The following TMEM132B variants were observed in gnomAD, a reference collection of about 807,000 sequenced individuals.
TMEM132B encodes transmembrane protein 132B.
Under a neutral mutation model 90.8 loss-of-function variants are expected in TMEM132B, and 18 were observed. The ratio of observed to expected loss-of-function variants is 0.20; its 90% CI spans 0.14 to 0.29. The LOEUF is 0.29. TMEM132B is among the 10% of genes least tolerant of loss of function. The pLI is 1.00. For synonymous variants in TMEM132B, 504 were observed against 523.3 expected, an observed-to-expected ratio of 0.96 and a Z score of 0.50; for missense variants, 1,096 against 1,326.8, an observed-to-expected ratio of 0.83 and a Z score of 2.70.
intron 1 of TMEM132B, among the ~76,000 whole-genome samples, chr12:125,284,236 C>T (rs557785962): frequency 6.6e-6 from 1 of 152,336 alleles, no homozygotes; most frequent in South Asian, 2.1e-4. Flanking sequence ...CTCTCTTCCT[C>T]CTACACCTGT....
intron 4 of TMEM132B, among the ~76,000 whole-genome samples, chr12:125,556,134 T>C (rs1484599139): frequency 1.3e-5 from 2 of 152,260 alleles, no homozygotes; most frequent in Non-Finnish European, 2.9e-5. Context: ...TTGTTGCTCA[T>C]GTCTTACAGT....
At chr12:125,194,833 T>G (rs948454965) in intron 1 of TMEM132B, among the ~76,000 whole-genome samples, 1 of 151,560 alleles carries the variant, frequency 6.6e-6, no homozygotes, top group Non-Finnish European at 1.5e-5. Context: ...AAAATGTTAT[T>G]TTGCTAGAAA....
chr12:125,653,023 A>G (rs1886965242), intron 8 of TMEM132B, among the ~76,000 whole-genome samples: 2 of 152,368 alleles, frequency 1.3e-5, no homozygotes, highest in African/African-American at 4.8e-5. Flanking sequence ...ACTGTTTACA[A>G]TAAGTATGGT....
In TMEM132B at chr12:125,519,456, A is replaced by G. The variant is rs747347319; in HGVS notation, c.1124A>G (p.Tyr375Cys). The stretch of plus-strand genomic sequence containing the variant: ...TTTTCCAGGGTAAATGGATCCTTCT[A>G]TGAGATCTTGCAAGTGGACTTTGGA... Reference protein sequence around the residue: ...DTQSRVNGSFYEILQVDFGID... With the variant: ...DTQSRVNGSFCEILQVDFGID... Residue 375 changes from tyrosine (Y) to cysteine (C), a missense_variant, in exon 4 of 9, where the codon TAT (tyrosine) becomes TGT (cysteine). Transcript: ENST00000682704. 1.9e-6 allele frequency: 3 copies of G among 1,612,170 alleles called. No homozygotes were observed. Among genetic ancestry groups the G allele is most frequent in the African/African-American group, 1.3e-5 (1 of 74,976 alleles).
At position 125,628,100 on chromosome 12, in the gene TMEM132B, G is replaced by A. The variant is rs114898900; in HGVS notation, c.1438-15976G>A. On this transcript the variant is annotated intron_variant, in intron 5 of 8. Coordinates refer to ENST00000682704, the MANE Select transcript of TMEM132B (RefSeq NM_001366854.1). ...AATCTTGGCTATTGTCAACAGTGCT[G>A]CAACAAACGTGGGAGTGCAGATATC... is the stretch of plus-strand genomic sequence containing the variant. 6.3e-3 allele frequency among the ~76,000 whole-genome samples: 963 copies of A among 152,272 alleles called. 10 individuals carry two copies. The highest frequency in any genetic ancestry group is 0.022 in the African/African-American group (908 of 41,554).
chr12:125,507,055 C>G (rs1232985216), intron 3 of TMEM132B, among the ~76,000 whole-genome samples: 3 of 152,206 alleles, frequency 2.0e-5, no homozygotes, highest in Non-Finnish European at 1.5e-5. Flanking sequence ...GAAGGTAATG[C>G]AGAAGCCCAT....
intron 5 of TMEM132B, among the ~76,000 whole-genome samples, chr12:125,632,779 A>T (rs1886396333): frequency 6.6e-6 from 1 of 151,940 alleles, no homozygotes; most frequent in Non-Finnish European, 1.5e-5. Flanking sequence ...TTGAGGCTCC[A>T]TTGTATGTTA....
chr12:125,594,893 G>A (rs1885401907), intron 5 of TMEM132B, among the ~76,000 whole-genome samples: 4 of 152,126 alleles, frequency 2.6e-5, no homozygotes, highest in Admixed American at 2.0e-4. Flanking sequence ...TTTTGATGAG[G>A]TTGAATTTAT....
chr12:125,329,547 A>G (rs1876700611), intron 1 of TMEM132B, among the ~76,000 whole-genome samples: 1 of 152,170 alleles, frequency 6.6e-6, no homozygotes, highest in Non-Finnish European at 1.5e-5. Flanking sequence ...CCTATGAGGC[A>G]CTGACTTGAG....
intron 4 of TMEM132B, among the ~76,000 whole-genome samples, chr12:125,553,996 A>T (rs917390188): frequency 6.6e-6 from 1 of 152,236 alleles, no homozygotes; most frequent in African/African-American, 2.4e-5. Flanking sequence ...GAACATTACA[A>T]ACTCTCTTCC....
chr12:125,264,893 T>A (rs1421892975), intron 1 of TMEM132B, among the ~76,000 whole-genome samples: 1 of 152,252 alleles, frequency 6.6e-6, no homozygotes, highest in Admixed American at 6.5e-5. Flanking sequence ...GAAATTTTCA[T>A]TGAACTATAA....
rs746310112 is a variant in TMEM132B at position 125,460,549 on chromosome 12, G to A, written c.1106+44872G>A. ...CTACCAAGAATACATCTTAATTTTC[G>A]TTCTTAAGCTAAAGAAATCATCTCT... On this transcript the variant is annotated intron_variant, in intron 3 of 8. Coordinates refer to ENST00000682704, the MANE Select transcript of TMEM132B (RefSeq NM_001366854.1). This position sits in a 1 kb window ranked among gnomAD's most constrained non-coding sequence, Gnocchi z 4.4. Among the ~76,000 whole-genome samples the A allele has an allele frequency of 3.9e-5, 6 of 152,038 alleles. No individual in the cohort carries two copies. The highest frequency in any genetic ancestry group is 1.3e-4 in the Admixed American group (2 of 15,266).
At position 125,431,045 on chromosome 12, in the gene TMEM132B, G is replaced by A. The variant is rs373576542; in HGVS notation, c.1106+15368G>A. 5.3e-4 allele frequency among the ~76,000 whole-genome samples: 81 copies of A among 152,252 alleles called. 2 individuals are homozygous for A. In the East Asian group the frequency reaches 0.014, roughly 27 times the overall value. ...CATGGAGTGAAGGAGGGGGCAGCGG[G>A]GACCAGGTCAGCAAGGTGGCCAAGG... On this transcript the variant is annotated intron_variant, in intron 3 of 8. Coordinates refer to ENST00000682704, the MANE Select transcript of TMEM132B (RefSeq NM_001366854.1).
At chr12:125,392,461 C>T (rs975000286) in intron 2 of TMEM132B, among the ~76,000 whole-genome samples, 1 of 152,214 alleles carries the variant, frequency 6.6e-6, no homozygotes, top group African/African-American at 2.4e-5. Flanking sequence ...AACTGGGTCT[C>T]AAAGAGGCTA....
intron 1 of TMEM132B, among the ~76,000 whole-genome samples, chr12:125,211,674 C>T (rs976451026): frequency 5.9e-5 from 9 of 152,218 alleles, no homozygotes; most frequent in African/African-American, 2.2e-4. Flanking sequence ...TCATTCCTTC[C>T]ACCCGCTGCA....
Position 125,323,711 on chromosome 12 carries a change from G to A in TMEM132B, c.68-25741G>A, listed in dbSNP as rs567702627. On this transcript the variant is annotated intron_variant, in intron 1 of 8. Coordinates refer to ENST00000682704, the MANE Select transcript of TMEM132B (RefSeq NM_001366854.1). ...TTTCTGTATTTTCAGTAGAGACAGG[G>A]TTTTGCCACGTTGGTCAGGCTGGTC... is the stretch of plus-strand genomic sequence containing the variant. Among the ~76,000 whole-genome samples the A allele has an allele frequency of 8.5e-5, 13 of 152,110 alleles. 1 individual carries two copies. The highest frequency in any genetic ancestry group is 1.8e-4 in the Non-Finnish European group (12 of 68,028).
chr12:125,646,245 A>G (rs1886761837), intron 6 of TMEM132B, among the ~76,000 whole-genome samples: 1 of 152,184 alleles, frequency 6.6e-6, no homozygotes, highest in Non-Finnish European at 1.5e-5. Flanking sequence ...CAGGCAAACT[A>G]CTGAATGTGC....
At chr12:125,475,643 A>G (rs939423128) in intron 3 of TMEM132B, among the ~76,000 whole-genome samples, 9 of 152,176 alleles carry the variant, frequency 5.9e-5, no homozygotes, top group African/African-American at 1.4e-4. Context: ...TCGGACTCCA[A>G]GTTCTTCAGC....
At chr12:125,501,270 A>G (rs548343632) in intron 3 of TMEM132B, among the ~76,000 whole-genome samples, 4 of 152,368 alleles carry the variant, frequency 2.6e-5, no homozygotes, top group African/African-American at 4.8e-5. Flanking sequence ...TGTATGTTCT[A>G]TGCAATACTG....
Sources: allele counts gnomAD v4.1 joint callset (sites outside exome capture counted in the v4.1 genomes callset), GRCh38; gene constraint gnomAD v4.1.1; non-coding constraint Gnocchi (gnomAD v3.1); transcripts MANE v1.5; gene names NCBI Gene and HGNC (gene_info 2026-07-23, HGNC 2026-07-21).